TTYH2: variants seen among roughly 807,000 people sequenced by gnomAD.
TTYH2 encodes tweety family member 2, also known as protein tweety homolog 2.
TTYH2 carries 49 observed loss-of-function variants against 68.3 expected under a neutral mutation model. The observed-to-expected ratio is 0.72, with a 90% CI of 0.57 to 0.91. The LOEUF (loss-of-function observed/expected upper bound fraction) is 0.91, where lower values mean the gene tolerates loss of function less well. Among genes scored for constraint, TTYH2 ranks in the 40% least tolerant of loss-of-function variants. TTYH2 has a pLI of 0.00. For synonymous variants in TTYH2, 272 were observed against 300.8 expected (o/e 0.90, Z 0.99); for missense variants, 631 against 700.4 (o/e 0.90, Z 1.12).
At chr17:74,235,538 C>A (rs1039177196) in intron 3 of TTYH2, among the ~76,000 whole-genome samples, 5 of 152,190 alleles carry the variant, frequency 3.3e-5, no homozygotes, top group African/African-American at 9.7e-5. Flanking sequence ...CTAACCAGTA[C>A]GAGCCCTGCC....
At chr17:74,231,460 C>T (rs892748525) in intron 3 of TTYH2, among the ~76,000 whole-genome samples, 1 of 152,058 alleles carries the variant, frequency 6.6e-6, no homozygotes, top group Non-Finnish European at 1.5e-5. Context: ...TTGAGGGAGG[C>T]CAAGGCATGT....
intron 3 of TTYH2, among the ~76,000 whole-genome samples, chr17:74,233,485 G>T (rs554942729): frequency 1.2e-4 from 19 of 152,308 alleles, no homozygotes; most frequent in African/African-American, 4.1e-4. Context: ...TGGGGTCAGC[G>T]GGAGGCTGGG....
chr17:74,228,326 C>G (rs902400835), intron 2 of TTYH2, among the ~76,000 whole-genome samples: 2 of 152,102 alleles, frequency 1.3e-5, no homozygotes, highest in Admixed American at 1.3e-4. Context: ...CGTCCTAGAT[C>G]CTGTGTTGTT....
Position 74,215,173 on chromosome 17 carries a change from G to A in TTYH2, c.129+1457G>A, listed in dbSNP as rs1410635712. Among the ~76,000 whole-genome samples the A allele has an allele frequency of 1.6e-5, 1 of 63,628 alleles. No homozygotes were observed. The highest frequency in any genetic ancestry group is 6.4e-5 in the African/African-American group (1 of 15,534). The allele number at this position is 63,628 out of a possible 152,430, so 41.7% of individuals were successfully genotyped here. On this transcript the variant is annotated intron_variant, in intron 1 of 13. Coordinates refer to ENST00000269346, the MANE Select transcript of TTYH2 (RefSeq NM_032646.6). The surrounding 1 kb of genome is among the most constrained non-coding windows in gnomAD (Gnocchi z 4.3). ...CGGATATGATTTCAGAAACAGCCGT[G>A]TGTGTGTGTGTGTGTGTGTGTGTGT...
intron 2 of TTYH2, among the ~76,000 whole-genome samples, chr17:74,228,349 G>T (rs1461928721): frequency 6.6e-6 from 1 of 152,148 alleles, no homozygotes. Flanking sequence ...AAGAACAACA[G>T]AACAAATATA....
chr17:74,229,780 T>A (rs951291603), intron 2 of TTYH2, among the ~76,000 whole-genome samples: 1 of 152,200 alleles, frequency 6.6e-6, no homozygotes, highest in Admixed American at 6.5e-5. Context: ...CTCCACACTG[T>A]ATCGTTTCAA....
At chr17:74,245,311 A>G (rs1281014666) in intron 6 of TTYH2, among the ~76,000 whole-genome samples, 1 of 152,252 alleles carries the variant, frequency 6.6e-6, no homozygotes, top group African/African-American at 2.4e-5. Context: ...GGACGGCTGT[A>G]AACAGTGCCA....
rs1293723265 is a variant in TTYH2, at chr17:74,217,661, T to A, written c.129+3945T>A. Among the ~76,000 whole-genome samples the A allele has an allele frequency of 6.6e-6, 1 of 152,170 alleles. No individual in the cohort carries two copies. The highest frequency in any genetic ancestry group is 2.4e-5 in the African/African-American group (1 of 41,442). ...GGGAGACTCTCCCTCTAGGTGCTCC[T>A]AGTTTCCCTCTCCCAGCCTCCCCCT... On this transcript the variant is annotated intron_variant, in intron 1 of 13. Transcript: ENST00000269346. The surrounding 1 kb of genome is among the most constrained non-coding windows in gnomAD (Gnocchi z 4.0).
rs901198350 is a variant in TTYH2, at chr17:74,214,098, G to C, written c.129+382G>C. On this transcript the variant is annotated intron_variant, in intron 1 of 13. Transcript: ENST00000269346. The surrounding 1 kb of genome is among the most constrained non-coding windows in gnomAD (Gnocchi z 4.6). ...GCGCGAGGTGCGGGGATGCTGAGGG[G>C]TGCCCCGAAGTTTTCGACCGTCTGA... 6.6e-6 allele frequency among the ~76,000 whole-genome samples: 1 copy of C among 152,194 alleles called. No individual in the cohort carries two copies. The highest frequency in any genetic ancestry group is 1.5e-5 in the Non-Finnish European group (1 of 68,036).
chr17:74,214,542 A>G lies in TTYH2; in HGVS notation c.129+826A>G, dbSNP rs778251471. On this transcript the variant is annotated intron_variant, in intron 1 of 13. Transcript: ENST00000269346. The surrounding 1 kb of genome is among the most constrained non-coding windows in gnomAD (Gnocchi z 4.6). ...CTCCCGGCTTCCCCGCCCTTTCCCT[A>G]CTCTGCTGACCCTTGGCAGGATTCT... 6.6e-6 allele frequency among the ~76,000 whole-genome samples: 1 copy of G among 150,510 alleles called. No individual in the cohort carries two copies.
At chr17:74,255,918 C>T (rs2050689456) in intron 13 of TTYH2, among the ~76,000 whole-genome samples, 1 of 152,108 alleles carries the variant, frequency 6.6e-6, no homozygotes. Context: ...CACTGGGGCC[C>T]AAATACCTGG....
chr17:74,249,196 G>C (rs2050592654), intron 7 of TTYH2, 116 bp downstream of exon 7: 1 of 1,566,600 alleles, frequency 6.4e-7, no homozygotes, highest in East Asian at 2.2e-5. Flanking sequence ...TGAACTTCAA[G>C]TCCAGCTCAT....
At chr17:74,247,715 G>A (rs374869639) in intron 6 of TTYH2, among the ~76,000 whole-genome samples, 3 of 152,204 alleles carry the variant, frequency 2.0e-5, no homozygotes, top group Non-Finnish European at 4.4e-5. Context: ...CCAGCCAGGG[G>A]GTGGGGGCAC....
Position 74,239,025 on chromosome 17 carries a change from T to C in TTYH2, c.635+1511T>C, listed in dbSNP as rs1308899004. Among the ~76,000 whole-genome samples, 2 of 152,058 alleles carry C rather than the reference T, an allele frequency of 1.3e-5. No homozygotes were observed. Among genetic ancestry groups the C allele is most frequent in the Non-Finnish European group, 2.9e-5 (2 of 68,000 alleles). ...CATGCCCAGACCAGCCTCACTTATG[T>C]AGAACCTGAGTGATGGGGACTGAGG... On this transcript the variant is annotated intron_variant, in intron 4 of 13. Transcript: ENST00000269346. The surrounding 1 kb of genome is among the most constrained non-coding windows in gnomAD (Gnocchi z 5.3).
chr17:74,259,191 A>G (rs1427960772), intron 13 of TTYH2, among the ~76,000 whole-genome samples: 1 of 152,132 alleles, frequency 6.6e-6, no homozygotes, highest in African/African-American at 2.4e-5. Context: ...CTTTAAATTC[A>G]TTTTATGTTA....
intron 2 of TTYH2, among the ~76,000 whole-genome samples, chr17:74,230,376 T>A (rs1330074777): frequency 6.6e-6 from 1 of 151,988 alleles, no homozygotes; most frequent in African/African-American, 2.4e-5. Context: ...ATCACAGGCG[T>A]GAGCCACCAC....
chr17:74,253,224 C>T lies in TTYH2; in HGVS notation c.1403C>T (p.Pro468Leu), dbSNP rs765472171. 2.5e-5 allele frequency: 41 copies of T among 1,611,988 alleles called. No individual in the cohort carries two copies. The South Asian group carries it at 3.7e-4, about 15-fold the overall frequency. Residue 468 changes from proline (P) to leucine (L), a missense_variant, in exon 12 of 14, where the codon CCC (proline) becomes CTC (leucine). Physicochemically the swap from Pro to Leu is moderately conservative, Grantham distance 98. Coordinates refer to ENST00000269346, the MANE Select transcript of TTYH2 (RefSeq NM_032646.6). ...SGLGSQTSLQ[P>L]PAQTISNAPV... ...CTGGGAAGTCAGACCAGCCTGCAGC[C>T]CCCGGCCCAGACCATCTCCAACGCC...
chr17:74,243,611 T>G (rs1468011568), intron 5 of TTYH2, 142 bp downstream of exon 5: 1 of 794,590 alleles, frequency 1.3e-6, no homozygotes, highest in African/African-American at 1.7e-5. Context: ...TCCTCAGCAC[T>G]CAGCAGAGGA....
At chr17:74,250,088 GC>G (rs1201512468) in intron 9 of TTYH2, 60 bp downstream of exon 9, 1 of 1,587,266 alleles carries the variant, frequency 6.3e-7, no homozygotes, top group Admixed American at 1.7e-5. Flanking sequence ...CCTTTCCCCT[GC>G]CCCGGCCCCA....
Sources: gnomAD v4.1 joint callset for allele counts (sites outside exome capture counted in the v4.1 genomes callset) on GRCh38, gnomAD v4.1.1 for gene constraint, Gnocchi (gnomAD v3.1) non-coding constraint, MANE v1.5 for transcripts, NCBI Gene and HGNC (gene_info 2026-07-23, HGNC 2026-07-21) for gene names.